Variants in STRA8 observed in about 807,000 individuals in gnomAD.
STRA8 encodes the protein stimulated by retinoic acid gene 8 protein homolog.
STRA8 carries 18 observed loss-of-function variants against 37.1 expected under a neutral mutation model. The ratio of observed to expected loss-of-function variants is 0.48; its 90% CI spans 0.34 to 0.72. STRA8 has a LOEUF of 0.72. Among genes scored for constraint, STRA8 ranks in the 30% least tolerant of loss-of-function variants. STRA8 has a pLI of 0.01. For synonymous variants in STRA8, 168 were observed against 162.9 expected (o/e 1.03, Z -0.24); for missense variants, 357 against 410.4 (o/e 0.87, Z 1.13).
intron 1 of STRA8, among the ~76,000 whole-genome samples, chr7:135,237,003 T>C (rs561738150): frequency 2.0e-5 from 3 of 152,274 alleles, no homozygotes; most frequent in Admixed American, 6.5e-5. Context: ...CAGAACATGA[T>C]TGAGTTAGAA....
At chr7:135,247,828 C>T (rs145711973) in intron 6 of STRA8, among the ~76,000 whole-genome samples, 4 of 152,346 alleles carry the variant, frequency 2.6e-5, no homozygotes, top group East Asian at 3.9e-4. Flanking sequence ...TCGCCCTGCA[C>T]GGAGATAAAA....
intron 4 of STRA8, 86 bp downstream of exon 4, chr7:135,243,496 C>A: frequency 8.0e-7 from 1 of 1,249,564 alleles, no homozygotes; most frequent in Non-Finnish European, 1.1e-6. Context: ...CACCCTTCCT[C>A]TCCAGCCTGC....
At chr7:135,245,635 G>A (rs1331684935) in intron 5 of STRA8, among the ~76,000 whole-genome samples, 108 bp downstream of exon 5, 1 of 152,176 alleles carries the variant, frequency 6.6e-6, no homozygotes, top group Non-Finnish European at 1.5e-5. Context: ...GCCCCAGCTG[G>A]AGTGCATGGT....
chr7:135,234,103 GATT>G (rs1426903034), intron 1 of STRA8, among the ~76,000 whole-genome samples, 200 bp downstream of exon 1: 17 of 147,498 alleles, frequency 1.2e-4, no homozygotes, highest in African/African-American at 3.8e-4. Flanking sequence ...TGATGATGAT[GATT>G]ATTATTATTA....
intron 7 of STRA8, 140 bp downstream of exon 7, chr7:135,252,009 A>AGTGTGT (rs1347220596): frequency 2.9e-6 from 2 of 691,720 alleles, no homozygotes; most frequent in African/African-American, 5.9e-5. Context: ...AGGGAGAGAG[A>AGTGTGT]GAGAGTGTGT....
intron 2 of STRA8, among the ~76,000 whole-genome samples, chr7:135,242,289 CAGCATTTGATAAGTTTTTAG>C (rs1443582239): frequency 1.3e-5 from 2 of 151,954 alleles, no homozygotes; most frequent in Non-Finnish European, 2.9e-5. Flanking sequence ...TTCAGGTTGA[CAGCATTTGATAAGTTTTTAG>C]ATCATCTGGA....
chr7:135,244,274 G>T (rs1832512789), intron 4 of STRA8, among the ~76,000 whole-genome samples: 1 of 152,192 alleles, frequency 6.6e-6, no homozygotes. Flanking sequence ...GCCCAAGCTG[G>T]TCTCAAACTC....
chr7:135,242,446 T>C (rs1012719784), intron 2 of STRA8, among the ~76,000 whole-genome samples: 2 of 152,232 alleles, frequency 1.3e-5, no homozygotes, highest in Non-Finnish European at 2.9e-5. Flanking sequence ...TTGACGTTCA[T>C]GCAGAATGCG....
chr7:135,252,513 T>G (rs1409968195), intron 7 of STRA8, among the ~76,000 whole-genome samples: 2 of 152,204 alleles, frequency 1.3e-5, no homozygotes, highest in Non-Finnish European at 2.9e-5. Flanking sequence ...CCACCTTTTT[T>G]CTGTGATTGG....
chr7:135,237,833 A>G (rs1832400893), intron 1 of STRA8, among the ~76,000 whole-genome samples: 1 of 152,176 alleles, frequency 6.6e-6, no homozygotes, highest in East Asian at 1.9e-4. Context: ...CAGAGGTTGC[A>G]GTGAGCCGAG....
chr7:135,233,685 T>C (rs1832324665), upstream of STRA8, among the ~76,000 whole-genome samples: 1 of 152,092 alleles, frequency 6.6e-6, no homozygotes, highest in Non-Finnish European at 1.5e-5. Context: ...GGACAACTTG[T>C]AACACTGTTT....
intron 1 of STRA8, among the ~76,000 whole-genome samples, chr7:135,239,000 G>T (rs10225934): frequency 1.4e-4 from 21 of 152,320 alleles, no homozygotes; most frequent in African/African-American, 5.1e-4. Flanking sequence ...CCATCTTCCT[G>T]CCCTGTTCCA....
chr7:135,246,858 T>C lies in STRA8; in HGVS notation c.879+156T>C. 1.2e-6 allele frequency: 1 copy of C among 832,342 alleles called. No individual in the cohort carries two copies. The highest frequency in any genetic ancestry group is 2.9e-5 in the East Asian group (1 of 34,580). The allele number at this position is 832,342 out of a possible 1,614,324, so 51.6% of individuals were successfully genotyped here. On this transcript the variant is annotated intron_variant, in intron 6 of 8. Transcript: ENST00000662584. The surrounding 1 kb of genome is among the most constrained non-coding windows in gnomAD (Gnocchi z 5.4). ...GATTTTCTTTTTTCTCTTTTTTTTT[T>C]TTTTGAGACGGAGTCTCGCTCTGTC...
Position 135,245,375 on chromosome 7 carries a change from TGAG to T in STRA8, c.444_446del (p.Glu151del). ...GGAAGGATGCTGAGGAGGAGGAAGA[TGAG>T]GAAGAGGAAGATCAAGAAGAAGAGG... On this transcript the variant is annotated inframe_deletion, in exon 5 of 9. Coordinates refer to ENST00000662584, the MANE Select transcript of STRA8 (RefSeq NM_001394401.1). 1.3e-6 allele frequency: 1 copy of T among 771,808 alleles called. No homozygotes were observed. Among genetic ancestry groups the T allele is most frequent in the Non-Finnish European group, 2.4e-6 (1 of 413,968 alleles). The allele number at this position is 771,808 out of a possible 1,614,324, so 47.8% of individuals were successfully genotyped here.
upstream of STRA8, among the ~76,000 whole-genome samples, chr7:135,233,253 C>A (rs544670020): frequency 6.6e-6 from 1 of 152,230 alleles, no homozygotes; most frequent in Non-Finnish European, 1.5e-5. Flanking sequence ...TATTAAAGGT[C>A]CCTTCTCTCC....
chr7:135,236,360 G>C (rs1290251132), intron 1 of STRA8, among the ~76,000 whole-genome samples: 2 of 152,028 alleles, frequency 1.3e-5, no homozygotes, highest in African/African-American at 4.8e-5. Context: ...TGGTTAGCCT[G>C]AAGATGTGGT....
chr7:135,247,872 G>A (rs955956441), intron 6 of STRA8, among the ~76,000 whole-genome samples: 4 of 152,224 alleles, frequency 2.6e-5, no homozygotes, highest in Admixed American at 1.3e-4. Flanking sequence ...GTATGAGGAC[G>A]GCCTCAGAAC....
upstream of STRA8, among the ~76,000 whole-genome samples, chr7:135,233,711 C>A (rs576013716): frequency 7.7e-4 from 118 of 152,290 alleles, 3 homozygotes; most frequent in South Asian, 0.024. Context: ...ACTGCCCACA[C>A]GCCCATTGGC....
chr7:135,239,111 G>C (rs1255588440), intron 1 of STRA8, among the ~76,000 whole-genome samples: 1 of 152,226 alleles, frequency 6.6e-6, no homozygotes, highest in East Asian at 1.9e-4. Flanking sequence ...CACACTGCCT[G>C]ATTGGGTTTA....
Sources: allele counts gnomAD v4.1 joint callset (sites outside exome capture counted in the v4.1 genomes callset), GRCh38; gene constraint gnomAD v4.1.1; non-coding constraint Gnocchi (gnomAD v3.1); transcripts MANE v1.5; gene names NCBI Gene and HGNC (gene_info 2026-07-23, HGNC 2026-07-21).